Variants in CHST9 observed in about 807,000 individuals in gnomAD.
The protein encoded by CHST9 is GalNAc-4-sulfotransferase 2.
CHST9 carries 41 observed loss-of-function variants against 44.4 expected under a neutral mutation model. That is an observed-to-expected ratio of 0.92 (90% confidence interval 0.72 to 1.20). CHST9 has a LOEUF of 1.20. Among genes scored for constraint, CHST9 ranks in the 50% most tolerant of loss-of-function variants. The pLI, the probability that CHST9 is intolerant of heterozygous loss-of-function variation, is 0.00. For synonymous variants in CHST9, 171 were observed against 178.4 expected, an observed-to-expected ratio of 0.96 and a Z score of 0.33; for missense variants, 504 against 516.5, an observed-to-expected ratio of 0.98 and a Z score of 0.23.
rs2055482788 is a variant in CHST9, at chr18:26,914,366, T to C, written c.*1893A>G. On this transcript the variant is annotated 3_prime_UTR_variant, in exon 6 of 6. Coordinates refer to ENST00000618847, the MANE Select transcript of CHST9 (RefSeq NM_031422.6). Reference sequence around the variant, plus strand: ...CATATAAAGCAAGTTTTGTGTTTCTTAGGAATAAAATTTCAGGCTTCTGGA... The same window carrying C: ...CATATAAAGCAAGTTTTGTGTTTCTCAGGAATAAAATTTCAGGCTTCTGGA... 6.6e-6 allele frequency: 1 copy of C among 152,224 alleles called. No homozygotes were observed. Among genetic ancestry groups the C allele is most frequent in the Non-Finnish European group, 1.5e-5 (1 of 68,036 alleles). 9.4% of individuals were successfully genotyped at this position (152,224 alleles called of 1,614,324 possible).
At chr18:27,168,075 C>CTT (rs778629303) in intron 1 of CHST9, among the ~76,000 whole-genome samples, 6 of 80,022 alleles carry the variant, frequency 7.5e-5, no homozygotes, top group Middle Eastern at 7.9e-3. Context: ...AAGATTATAC[C>CTT]TATTTTTTTT....
intron 1 of CHST9, among the ~76,000 whole-genome samples, chr18:27,154,135 T>C (rs1026540079): frequency 1.3e-5 from 2 of 152,120 alleles, no homozygotes; most frequent in Non-Finnish European, 2.9e-5. Flanking sequence ...TTTTAAGGTA[T>C]AGTGAGGGAA....
chr18:26,958,458 C>CAA (rs111675236), intron 4 of CHST9, among the ~76,000 whole-genome samples: 3,143 of 123,632 alleles, frequency 0.025, 124 homozygotes, highest in African/African-American at 0.081. Flanking sequence ...AAAGTAACTG[C>CAA]AAAAAAAAAA....
chr18:27,142,679 C>T lies in CHST9; in HGVS notation c.121+10G>A. 1.3e-6 allele frequency: 2 copies of T among 1,562,766 alleles called. No individual in the cohort carries two copies. The highest frequency in any genetic ancestry group is 1.7e-6 in the Non-Finnish European group (2 of 1,158,704). The stretch of plus-strand genomic sequence containing the variant: ...TACAATTAAAATAGAAGAAAAAGCA[C>T]ATGTGTTACCTGTATGTTGTTCTTC... On this transcript the variant is annotated intron_variant, in intron 2 of 5. Transcript: ENST00000618847.
intron 4 of CHST9, among the ~76,000 whole-genome samples, chr18:26,944,924 A>G (rs2056139998): frequency 6.6e-6 from 1 of 152,202 alleles, no homozygotes; most frequent in Non-Finnish European, 1.5e-5. Flanking sequence ...GATCAGGATG[A>G]AAAACATGCA....
chr18:27,182,307 G>A (rs1174127341), intron 1 of CHST9, among the ~76,000 whole-genome samples: 1 of 133,004 alleles, frequency 7.5e-6, no homozygotes, highest in South Asian at 2.5e-4. Context: ...TGTAGTTTGG[G>A]TTTATTCTGT....
chr18:27,137,306 G>GTA (rs2058523035), intron 2 of CHST9, among the ~76,000 whole-genome samples: 1 of 3,398 alleles, frequency 2.9e-4, no homozygotes, highest in Non-Finnish European at 6.2e-3. Context: ...ATTTATATAT[G>GTA]TGTGTGTGTG....
chr18:26,964,146 C>A (rs754389272), intron 4 of CHST9, among the ~76,000 whole-genome samples: 2 of 152,174 alleles, frequency 1.3e-5, no homozygotes, highest in African/African-American at 2.4e-5. Context: ...TATTAACGTT[C>A]TAATGCTTTA....
intron 1 of CHST9, among the ~76,000 whole-genome samples, chr18:27,171,031 G>T (rs2058829978): frequency 6.6e-6 from 1 of 152,122 alleles, no homozygotes; most frequent in African/African-American, 2.4e-5. Context: ...CCCAGATGAG[G>T]GTACTGTGGG....
intron 2 of CHST9, among the ~76,000 whole-genome samples, chr18:27,053,137 GAAGAAGAAGAAGAAGAAGAAGAAGAA>G (rs2057591358): frequency 9.5e-5 from 8 of 83,794 alleles, no homozygotes; most frequent in African/African-American, 3.7e-4. Flanking sequence ...AGAGGAAGAA[GAAGAAGAAGAAGAAGAAGAAGAAGAA>G]GAAGAAGAAG....
At position 27,046,037 on chromosome 18, in the gene CHST9, T is replaced by C. The variant is rs557994221; in HGVS notation, c.160+2428A>G. On this transcript the variant is annotated intron_variant, in intron 3 of 5. Coordinates refer to ENST00000618847, the MANE Select transcript of CHST9 (RefSeq NM_031422.6). Reference sequence around the variant, plus strand: ...TTATACATAGTAGAGCCATTTCAATTAAGTGAAAATGGCAATAGAATCATA... The same window carrying C: ...TTATACATAGTAGAGCCATTTCAATCAAGTGAAAATGGCAATAGAATCATA... 2.3e-4 allele frequency among the ~76,000 whole-genome samples: 35 copies of C among 152,210 alleles called. No homozygotes were observed. In the South Asian group the frequency reaches 7.0e-3, roughly 31 times the overall value.
At chr18:27,001,041 A>T (rs2056946374) in intron 4 of CHST9, among the ~76,000 whole-genome samples, 1 of 152,232 alleles carries the variant, frequency 6.6e-6, no homozygotes, top group Non-Finnish European at 1.5e-5. Flanking sequence ...AAGGTTATAA[A>T]GCATGTGAAC....
intron 2 of CHST9, among the ~76,000 whole-genome samples, chr18:27,067,391 C>G (rs1053887532): frequency 6.6e-6 from 1 of 151,804 alleles, no homozygotes; most frequent in African/African-American, 2.4e-5. Context: ...GCAGGAACAA[C>G]ACACTGCTGT....
At chr18:27,089,706 T>C (rs982402309) in intron 2 of CHST9, among the ~76,000 whole-genome samples, 24 of 152,130 alleles carry the variant, frequency 1.6e-4, no homozygotes, top group Non-Finnish European at 3.2e-4. Flanking sequence ...CTTGAGGAAT[T>C]GCCACACTGT....
At chr18:27,070,687 C>CA (rs1189044498) in intron 2 of CHST9, among the ~76,000 whole-genome samples, 2 of 49,526 alleles carry the variant, frequency 4.0e-5, no homozygotes, top group African/African-American at 3.7e-4. Flanking sequence ...TCCTATGTCA[C>CA]CCCCGTTAGA....
intron 2 of CHST9, among the ~76,000 whole-genome samples, chr18:27,060,474 A>T (rs551157815): frequency 2.4e-4 from 37 of 152,254 alleles, no homozygotes; most frequent in African/African-American, 8.2e-4. Context: ...GAAGTAGGGT[A>T]CTCCAGGGAG....
In CHST9 at chr18:27,184,066, A is replaced by G. The variant is rs191517056; in HGVS notation, c.-97+1070T>C. 9.2e-5 allele frequency among the ~76,000 whole-genome samples: 14 copies of G among 152,326 alleles called. No homozygotes were observed. The East Asian group carries it at 2.5e-3, about 27-fold the overall frequency. ...TGCAATTCTGAGGTTAAAGCGAAGAAAAATAAACATTGGTAATACTCTCAA... is the reference window on the plus strand; with the variant it reads ...TGCAATTCTGAGGTTAAAGCGAAGAGAAATAAACATTGGTAATACTCTCAA... On this transcript the variant is annotated intron_variant, in intron 1 of 5. Coordinates refer to ENST00000618847, the MANE Select transcript of CHST9 (RefSeq NM_031422.6).
At chr18:27,092,903 G>T (rs985779063) in intron 2 of CHST9, among the ~76,000 whole-genome samples, 1 of 152,130 alleles carries the variant, frequency 6.6e-6, no homozygotes, top group East Asian at 1.9e-4. Flanking sequence ...GTGTGGTGCC[G>T]AGAAGAATGT....
intron 2 of CHST9, among the ~76,000 whole-genome samples, chr18:27,058,039 G>A (rs903917251): frequency 1.6e-4 from 25 of 152,216 alleles, no homozygotes; most frequent in Non-Finnish European, 3.4e-4. Flanking sequence ...TTCTGAGGCA[G>A]TCATTTCTTG....
Sources: allele counts gnomAD v4.1 joint callset (sites outside exome capture counted in the v4.1 genomes callset), GRCh38; gene constraint gnomAD v4.1.1; transcripts MANE v1.5; gene names NCBI Gene and HGNC (gene_info 2026-07-23, HGNC 2026-07-21).